LTBP1: variants seen among roughly 807,000 people sequenced by gnomAD.
LTBP1 encodes latent transforming growth factor beta binding protein 1.
LTBP1 carries 129 observed loss-of-function variants against 207.6 expected under a neutral mutation model. The ratio of observed to expected loss-of-function variants is 0.62; its 90% CI spans 0.54 to 0.72. The LOEUF (loss-of-function observed/expected upper bound fraction) is 0.72, where lower values mean the gene tolerates loss of function less well. Among genes scored for constraint, LTBP1 ranks in the 30% least tolerant of loss-of-function variants. LTBP1 has a pLI of 0.00. For missense variants in LTBP1, 2,281 were observed against 2,217.2 expected (o/e 1.03, Z -0.58); for synonymous variants, 963 against 833.7 (o/e 1.16, Z -2.67).
intron 7 of LTBP1, among the ~76,000 whole-genome samples, chr2:33,214,839 T>G (rs546063391): frequency 7.2e-5 from 11 of 152,136 alleles, no homozygotes; most frequent in African/African-American, 2.7e-4. Context: ...TTTCAGTGCC[T>G]TCCCCAGAAT....
intron 24 of LTBP1, among the ~76,000 whole-genome samples, chr2:33,329,996 C>G (rs936220833): frequency 6.6e-6 from 1 of 152,026 alleles, no homozygotes; most frequent in Non-Finnish European, 1.5e-5. Flanking sequence ...AGTATTTAGT[C>G]ATCTAATCTG....
At chr2:33,195,565 T>G (rs758675658) in intron 7 of LTBP1, among the ~76,000 whole-genome samples, 8 of 152,182 alleles carry the variant, frequency 5.3e-5, no homozygotes, top group Admixed American at 1.3e-4. Context: ...ATGTTCAAAC[T>G]TGAATGGATG....
intron 5 of LTBP1, among the ~76,000 whole-genome samples, chr2:33,150,077 C>G (rs977191398): frequency 6.6e-6 from 1 of 152,210 alleles, no homozygotes; most frequent in African/African-American, 2.4e-5. Context: ...CCAAAACACT[C>G]TAGGTCAGCT....
Position 33,282,609 on chromosome 2 carries a change from C to T in LTBP1, c.3112+2451C>T, listed in dbSNP as rs1015431569. ...ATGACTGCCCAGCCCTAGCTTTGTA[C>T]TTCTGGTACTCTAAAATACCTTTCA... On this transcript the variant is annotated intron_variant, in intron 19 of 33. Coordinates refer to ENST00000404816, the MANE Select transcript of LTBP1 (RefSeq NM_206943.4). Among the ~76,000 whole-genome samples the T allele has an allele frequency of 2.2e-4, 34 of 152,208 alleles. 1 individual carries two copies. Among genetic ancestry groups the T allele is most frequent in the Admixed American group, 6.5e-5 (1 of 15,284 alleles).
At chr2:33,139,255 C>T (rs1273434864) in intron 5 of LTBP1, among the ~76,000 whole-genome samples, 2 of 152,164 alleles carry the variant, frequency 1.3e-5, no homozygotes, top group Admixed American at 1.3e-4. Context: ...TGTTGCTTTA[C>T]TGGCTTCATT....
chr2:33,230,508 CA>C (rs2091724630), intron 9 of LTBP1, among the ~76,000 whole-genome samples: 1 of 152,116 alleles, frequency 6.6e-6, no homozygotes. Context: ...TCATAACAAA[CA>C]ATATAGTTAT....
At chr2:33,142,467 G>A (rs1396921822) in intron 5 of LTBP1, among the ~76,000 whole-genome samples, 3 of 152,006 alleles carry the variant, frequency 2.0e-5, no homozygotes, top group Admixed American at 6.6e-5. Flanking sequence ...TGTAGAGGGT[G>A]CGTGGTGGTG....
At chr2:33,083,797 C>CTCTA in intron 3 of LTBP1, among the ~76,000 whole-genome samples, 1 of 152,250 alleles carries the variant, frequency 6.6e-6, no homozygotes, top group South Asian at 2.1e-4. Flanking sequence ...GGTCGAGAAA[C>CTCTA]GATCAGTGAC....
intron 2 of LTBP1, among the ~76,000 whole-genome samples, chr2:32,962,237 C>A (rs1327825892): frequency 3.9e-5 from 6 of 152,186 alleles, no homozygotes; most frequent in African/African-American, 1.2e-4. Context: ...TACATCTCCA[C>A]TTTAATTCTA....
chr2:33,339,939 C>T (rs779792147), intron 24 of LTBP1, among the ~76,000 whole-genome samples: 85 of 152,122 alleles, frequency 5.6e-4, no homozygotes, highest in Non-Finnish European at 6.5e-4. Context: ...GCCACCGCGC[C>T]GGGCTTCATT....
At chr2:33,035,161 G>A (rs1394135509) in intron 3 of LTBP1, among the ~76,000 whole-genome samples, 6 of 152,174 alleles carry the variant, frequency 3.9e-5, no homozygotes, top group African/African-American at 1.2e-4. Context: ...TTAGCAACAC[G>A]TTGCTAATGG....
chr2:33,096,518 G>T (rs974032222), intron 3 of LTBP1, among the ~76,000 whole-genome samples: 6 of 152,210 alleles, frequency 3.9e-5, no homozygotes, highest in African/African-American at 7.2e-5. Flanking sequence ...CTCAAGAATT[G>T]TGAGTTCTGC....
intron 5 of LTBP1, among the ~76,000 whole-genome samples, chr2:33,135,216 AAT>A (rs991708582): frequency 6.6e-6 from 1 of 152,198 alleles, no homozygotes; most frequent in Non-Finnish European, 1.5e-5. Context: ...TGGTAATGGG[AAT>A]ATATATAGTA....
At chr2:33,348,934 C>T (rs977239012) in intron 26 of LTBP1, among the ~76,000 whole-genome samples, 4 of 152,020 alleles carry the variant, frequency 2.6e-5, no homozygotes, top group Non-Finnish European at 5.9e-5. Context: ...TGATGGTGAA[C>T]TTTGATTATA....
intron 31 of LTBP1, among the ~76,000 whole-genome samples, chr2:33,375,778 G>A (rs903595112): frequency 2.0e-5 from 3 of 148,862 alleles, no homozygotes; most frequent in African/African-American, 7.5e-5. Flanking sequence ...TCCTGACCTC[G>A]TGATCTGCCC....
At chr2:33,271,040 T>C (rs79731598) in intron 15 of LTBP1, among the ~76,000 whole-genome samples, 2,478 of 152,350 alleles carry the variant, frequency 0.016, 28 homozygotes, top group Non-Finnish European at 0.023. Context: ...AGAAACACTT[T>C]AGCTATGTTG....
intron 26 of LTBP1, among the ~76,000 whole-genome samples, chr2:33,350,618 T>C (rs1441865323): frequency 2.0e-5 from 3 of 152,234 alleles, no homozygotes; most frequent in Non-Finnish European, 4.4e-5. Flanking sequence ...TCTGCCTTAA[T>C]GTTTTTTACT....
intron 2 of LTBP1, among the ~76,000 whole-genome samples, chr2:33,013,487 AT>A (rs1000497789): frequency 2.7e-5 from 4 of 149,860 alleles, no homozygotes; most frequent in Middle Eastern, 3.2e-3. Flanking sequence ...TTTCTGGGTT[AT>A]TTTTTTCCCT....
At chr2:33,353,015 A>G (rs1343190742) in intron 26 of LTBP1, among the ~76,000 whole-genome samples, 1 of 116,598 alleles carries the variant, frequency 8.6e-6, no homozygotes, top group African/African-American at 3.5e-5. Context: ...GTCTTGCTCC[A>G]TTGCGCAGGC....
Sources: gnomAD v4.1 joint callset for allele counts (sites outside exome capture counted in the v4.1 genomes callset) on GRCh38, gnomAD v4.1.1 for gene constraint, MANE v1.5 for transcripts, NCBI Gene and HGNC (gene_info 2026-07-23, HGNC 2026-07-21) for gene names.